Variants in PPP2R2C observed in about 807,000 individuals in gnomAD.
PPP2R2C encodes the protein protein phosphatase 2, regulatory subunit B, gamma.
Under a neutral mutation model 45.3 loss-of-function variants are expected in PPP2R2C, and 10 were observed. The ratio of observed to expected loss-of-function variants is 0.22; its 90% CI spans 0.14 to 0.37. The LOEUF (loss-of-function observed/expected upper bound fraction) is 0.37. Among genes scored for constraint, PPP2R2C ranks in the 10% least tolerant of loss-of-function variants. PPP2R2C has a pLI of 1.00. For missense variants in PPP2R2C, 308 were observed against 619.7 expected (o/e 0.50, Z 5.34); for synonymous variants, 257 against 245.4 (o/e 1.05, Z -0.44).
intron 1 of PPP2R2C, among the ~76,000 whole-genome samples, chr4:6,414,396 T>A (rs995467521): frequency 6.6e-6 from 1 of 152,128 alleles, no homozygotes; most frequent in Non-Finnish European, 1.5e-5. Flanking sequence ...CTTTCCCATT[T>A]GCAGGTGGCT....
At chr4:6,407,459 G>A (rs770964608) in intron 1 of PPP2R2C, among the ~76,000 whole-genome samples, 8 of 152,166 alleles carry the variant, frequency 5.3e-5, no homozygotes, top group African/African-American at 1.2e-4. Flanking sequence ...GCGGTGGCAC[G>A]ATCTCAGCTC....
chr4:6,463,826 C>T (rs1272892222), intron 1 of PPP2R2C, among the ~76,000 whole-genome samples: 7 of 152,226 alleles, frequency 4.6e-5, no homozygotes, highest in African/African-American at 1.2e-4. Context: ...CTACCTGTGC[C>T]GTGAAGGGGG....
intron 1 of PPP2R2C, among the ~76,000 whole-genome samples, chr4:6,410,841 TTTTATTTATTTATTTATTTA>T (rs148453274): frequency 0.012 from 1,670 of 140,420 alleles, 17 homozygotes; most frequent in African/African-American, 0.027. Context: ...ATTCCCCCTG[TTTTATTTATTTATTTATTTA>T]TTTATTTATT....
At chr4:6,402,685 C>T (rs780286985) in intron 1 of PPP2R2C, among the ~76,000 whole-genome samples, 2 of 152,116 alleles carry the variant, frequency 1.3e-5, no homozygotes, top group African/African-American at 2.4e-5. Context: ...GCCAGGGCTG[C>T]GATGGAGGGA....
intron 1 of PPP2R2C, among the ~76,000 whole-genome samples, chr4:6,398,985 G>A (rs948311463): frequency 3.3e-5 from 5 of 152,182 alleles, no homozygotes; most frequent in Non-Finnish European, 5.9e-5. Flanking sequence ...AAAGAAGCCA[G>A]ACCAAAAAAT....
chr4:6,428,383 G>A (rs1357799178), intron 1 of PPP2R2C, among the ~76,000 whole-genome samples: 1 of 152,178 alleles, frequency 6.6e-6, no homozygotes, highest in African/African-American at 2.4e-5. Context: ...AGTTTCCAAG[G>A]TCCAGCCAAG....
upstream of PPP2R2C, among the ~76,000 whole-genome samples, chr4:6,473,692 A>T (rs1387825978): frequency 1.3e-5 from 2 of 152,052 alleles, no homozygotes; most frequent in Non-Finnish European, 2.9e-5. Flanking sequence ...TTCTGGGGGA[A>T]CTCCAGACAG....
intron 2 of PPP2R2C, among the ~76,000 whole-genome samples, chr4:6,528,640 A>T (rs1724292961): frequency 6.6e-6 from 1 of 152,200 alleles, no homozygotes; most frequent in South Asian, 2.1e-4. Flanking sequence ...AAGTCATCAT[A>T]TCCCTGTGAC....
intron 5 of PPP2R2C, among the ~76,000 whole-genome samples, chr4:6,363,593 A>T (rs1209229843): frequency 6.6e-6 from 1 of 151,836 alleles, no homozygotes; most frequent in Non-Finnish European, 1.5e-5. Flanking sequence ...AAAAAAAGAA[A>T]AGAAAAAGAA....
chr4:6,382,666 CTCTCTCTCT>C, intron 1 of PPP2R2C: 1 of 235,914 alleles, frequency 4.2e-6, no homozygotes, highest in African/African-American at 4.4e-5. Flanking sequence ...CTCTCTCTCT[CTCTCTCTCT>C]CACACACACA....
At chr4:6,369,929 G>A (rs1055627141) in intron 5 of PPP2R2C, among the ~76,000 whole-genome samples, 1 of 152,158 alleles carries the variant, frequency 6.6e-6, no homozygotes, top group African/African-American at 2.4e-5. Flanking sequence ...AAGGCGTGGG[G>A]AATGAATGGT....
At chr4:6,542,957 A>G (rs906093356) in intron 1 of PPP2R2C, among the ~76,000 whole-genome samples, 3 of 152,254 alleles carry the variant, frequency 2.0e-5, no homozygotes, top group Non-Finnish European at 4.4e-5. Context: ...TTTGGAAGAC[A>G]ACCCAACAGG....
chr4:6,437,850 G>C (rs897720855), intron 1 of PPP2R2C, among the ~76,000 whole-genome samples: 2 of 152,108 alleles, frequency 1.3e-5, no homozygotes, highest in Middle Eastern at 3.2e-3. Flanking sequence ...GTAGATGCAT[G>C]GCCTCTGTTT....
At chr4:6,396,791 G>C (rs1161847267) in intron 1 of PPP2R2C, among the ~76,000 whole-genome samples, 3 of 152,232 alleles carry the variant, frequency 2.0e-5, no homozygotes, top group African/African-American at 4.8e-5. Flanking sequence ...AGGGGGTAGA[G>C]AGAAGGCCCT....
chr4:6,417,323 C>G (rs1016749679), intron 1 of PPP2R2C, among the ~76,000 whole-genome samples: 1 of 152,256 alleles, frequency 6.6e-6, no homozygotes, highest in African/African-American at 2.4e-5. Flanking sequence ...AGGGACCCAC[C>G]TCGGGGTTAC....
Position 6,472,465 on chromosome 4 carries a change from GC to G in PPP2R2C, c.-237del. 3.3e-6 allele frequency: 1 copy of G among 302,602 alleles called. No individual in the cohort carries two copies. The highest frequency in any genetic ancestry group is 4.8e-6 in the Non-Finnish European group (1 of 208,924). 18.7% of individuals were successfully genotyped at this position (302,602 alleles called of 1,614,324 possible). ...CGGCCGCGGGTTCGGGCGGGCCGGG[GC>G]CCAGGCGCGCATCCCGGCCGGCCCG... On this transcript the variant is annotated 5_prime_UTR_variant, in exon 1 of 9. It removes the in-frame stop codon of an upstream open reading frame in the 5' UTR. Coordinates refer to ENST00000382599, the MANE Select transcript of PPP2R2C (RefSeq NM_020416.4).
chr4:6,444,636 A>G (rs1398873801), intron 1 of PPP2R2C, among the ~76,000 whole-genome samples: 1 of 152,190 alleles, frequency 6.6e-6, no homozygotes, highest in East Asian at 1.9e-4. Flanking sequence ...AGCAGGTCCT[A>G]AGCGGGGGCC....
At chr4:6,466,672 C>T (rs1025046989) in intron 1 of PPP2R2C, among the ~76,000 whole-genome samples, 2 of 152,176 alleles carry the variant, frequency 1.3e-5, no homozygotes, top group African/African-American at 4.8e-5. Context: ...TACAGCGGCT[C>T]TTCCAGTCTC....
intron 1 of PPP2R2C, among the ~76,000 whole-genome samples, chr4:6,432,869 G>A (rs1450389734): frequency 6.6e-6 from 1 of 152,056 alleles, no homozygotes; most frequent in Non-Finnish European, 1.5e-5. Context: ...TTTCGCCTCT[G>A]CTACCCCTGA....
Sources: allele counts gnomAD v4.1 joint callset (sites outside exome capture counted in the v4.1 genomes callset), GRCh38; gene constraint gnomAD v4.1.1; transcripts MANE v1.5; gene names NCBI Gene and HGNC (gene_info 2026-07-23, HGNC 2026-07-21).